The following SGMS1 variants were observed in gnomAD, a reference collection of about 807,000 sequenced individuals.
SGMS1 encodes the protein sphingomyelin synthase 1, also known as phosphatidylcholine:ceramide cholinephosphotransferase 1.
Under a neutral mutation model 46.2 loss-of-function variants are expected in SGMS1, and 13 were observed. The ratio of observed to expected loss-of-function variants is 0.28; its 90% CI spans 0.18 to 0.45. The LOEUF (loss-of-function observed/expected upper bound fraction) is 0.45, where lower values mean the gene tolerates loss of function less well. Ranked by LOEUF, SGMS1 falls within the 20% of genes least tolerant of loss-of-function variation. SGMS1 has a pLI of 1.00. For missense variants in SGMS1, 324 were observed against 519.9 expected (o/e 0.62, Z 3.66); for synonymous variants, 203 against 187.8 (o/e 1.08, Z -0.66).
intron 1 of SGMS1, among the ~76,000 whole-genome samples, chr10:50,611,193 C>T (rs1838746160): frequency 6.6e-6 from 1 of 152,146 alleles, no homozygotes; most frequent in South Asian, 2.1e-4. Flanking sequence ...CAACACGCCA[C>T]CCAGGAGAGG....
intron 2 of SGMS1, among the ~76,000 whole-genome samples, chr10:50,582,726 C>T (rs1243130857): frequency 6.6e-6 from 1 of 152,194 alleles, no homozygotes; most frequent in Admixed American, 6.5e-5. Flanking sequence ...GACCAACGTT[C>T]AAGTGGAATA....
intron 8 of SGMS1, among the ~76,000 whole-genome samples, chr10:50,324,282 T>C (rs1847495804): frequency 6.6e-6 from 1 of 152,248 alleles, no homozygotes; most frequent in Non-Finnish European, 1.5e-5. Flanking sequence ...GTCTTAACCT[T>C]AACTTTAGTG....
intron 6 of SGMS1, among the ~76,000 whole-genome samples, chr10:50,394,522 A>T (rs1460912340): frequency 6.6e-6 from 1 of 152,246 alleles, no homozygotes; most frequent in Non-Finnish European, 1.5e-5. Context: ...TCAATTACCC[A>T]TAACTGTCAA....
At position 50,529,059 on chromosome 10, in the gene SGMS1, AC is replaced by A. The variant is rs368466837; in HGVS notation, c.-588-9139del. Among the ~76,000 whole-genome samples, 35 of 152,348 alleles carry A rather than the reference AC, an allele frequency of 2.3e-4. No homozygotes were observed. The East Asian group carries it at 6.0e-3, about 26-fold the overall frequency. The stretch of plus-strand genomic sequence containing the variant: ...TTCCTACAGCTGGAACATGGGGAAA[AC>A]AAAGGAACATCAATGGCATTAGACA... On this transcript the variant is annotated intron_variant, in intron 2 of 10. Coordinates refer to ENST00000361781, the MANE Select transcript of SGMS1 (RefSeq NM_147156.4).
At chr10:50,456,251 T>C (rs1247824800) in intron 5 of SGMS1, among the ~76,000 whole-genome samples, 2 of 150,284 alleles carry the variant, frequency 1.3e-5, no homozygotes, top group Admixed American at 1.3e-4. Context: ...AAGGCAGAGC[T>C]GCTGGTTGAT....
chr10:50,500,101 G>A (rs1168717202), intron 3 of SGMS1, among the ~76,000 whole-genome samples: 2 of 152,232 alleles, frequency 1.3e-5, no homozygotes, highest in Non-Finnish European at 2.9e-5. Context: ...CCGGGAGGTG[G>A]AGGTTGCAGT....
intron 2 of SGMS1, among the ~76,000 whole-genome samples, chr10:50,527,272 C>G (rs962895596): frequency 6.6e-6 from 1 of 152,086 alleles, no homozygotes; most frequent in Non-Finnish European, 1.5e-5. Context: ...GACATCATCA[C>G]CTTATTGTTA....
At chr10:50,463,756 T>C (rs531800823) in intron 4 of SGMS1, among the ~76,000 whole-genome samples, 9 of 152,276 alleles carry the variant, frequency 5.9e-5, no homozygotes, top group African/African-American at 2.2e-4. Context: ...TCACAATAGT[T>C]AAGAGGTGGA....
At chr10:50,369,316 G>A (rs1259713487) in intron 6 of SGMS1, among the ~76,000 whole-genome samples, 1 of 152,104 alleles carries the variant, frequency 6.6e-6, no homozygotes, top group Non-Finnish European at 1.5e-5. Context: ...TGGGCAACAT[G>A]GCAAGACCCT....
At chr10:50,538,457 CAAA>C (rs61633959) in intron 2 of SGMS1, among the ~76,000 whole-genome samples, 18 of 85,646 alleles carry the variant, frequency 2.1e-4, no homozygotes, top group East Asian at 4.0e-4. Context: ...GACTCCATCT[CAAA>C]AAAAAAAAAA....
chr10:50,369,634 CAT>C (rs1293117203), intron 6 of SGMS1, among the ~76,000 whole-genome samples: 2 of 149,712 alleles, frequency 1.3e-5, no homozygotes, highest in African/African-American at 2.4e-5. Flanking sequence ...AAATGAAAGA[CAT>C]ATTAAAACAA....
At chr10:50,570,044 A>C (rs1299535300) in intron 2 of SGMS1, among the ~76,000 whole-genome samples, 1 of 152,212 alleles carries the variant, frequency 6.6e-6, no homozygotes, top group East Asian at 1.9e-4. Flanking sequence ...TTTTACATTA[A>C]CAAAGCACTG....
chr10:50,361,657 G>C (rs763832999), intron 6 of SGMS1, among the ~76,000 whole-genome samples: 4 of 152,116 alleles, frequency 2.6e-5, no homozygotes, highest in Non-Finnish European at 5.9e-5. Context: ...TATCTTGAAG[G>C]CTCTCTCAAA....
chr10:50,321,294 A>G (rs1284433103), intron 8 of SGMS1, among the ~76,000 whole-genome samples: 1 of 152,214 alleles, frequency 6.6e-6, no homozygotes, highest in Non-Finnish European at 1.5e-5. Context: ...AATATACTGA[A>G]TTGTTAATAG....
intron 1 of SGMS1, among the ~76,000 whole-genome samples, chr10:50,597,600 G>T (rs1278943916): frequency 6.6e-6 from 1 of 152,204 alleles, no homozygotes; most frequent in Non-Finnish European, 1.5e-5. Flanking sequence ...ATTGCCAGGA[G>T]TTCAGGAGGA....
chr10:50,418,575 A>G (rs1849213086), intron 6 of SGMS1: 2 of 152,220 alleles, frequency 1.3e-5, no homozygotes, highest in South Asian at 4.1e-4. Context: ...GAAGCCTTTC[A>G]CAGCCTTTTC....
Position 50,438,139 on chromosome 10 carries a change from C to T in SGMS1, c.-312-4583G>A, listed in dbSNP as rs117217746. 4.1e-4 allele frequency among the ~76,000 whole-genome samples: 62 copies of T among 152,324 alleles called. 1 individual carries two copies. In the East Asian group the frequency reaches 0.012, roughly 29 times the overall value. ...AAGAGAAGCCATATTCTTGGCCAGT[C>T]TCAGATGTGTCAGACTCTAAAGTGG... On this transcript the variant is annotated intron_variant, in intron 5 of 10. Transcript: ENST00000361781.
At chr10:50,436,811 A>G (rs1468561311) in intron 5 of SGMS1, among the ~76,000 whole-genome samples, 1 of 148,084 alleles carries the variant, frequency 6.8e-6, no homozygotes, top group Non-Finnish European at 1.5e-5. Flanking sequence ...CATGAGACAC[A>G]GTTGTTTGAT....
chr10:50,334,031 G>A (rs927836832), intron 7 of SGMS1, among the ~76,000 whole-genome samples: 1 of 152,190 alleles, frequency 6.6e-6, no homozygotes, highest in Non-Finnish European at 1.5e-5. Context: ...CAATGACAGA[G>A]TCACAACAAA....
Sources: allele counts gnomAD v4.1 joint callset (sites outside exome capture counted in the v4.1 genomes callset), GRCh38; gene constraint gnomAD v4.1.1; transcripts MANE v1.5; gene names NCBI Gene and HGNC (gene_info 2026-07-23, HGNC 2026-07-21).